The following SSBP2 variants were observed in gnomAD, a reference collection of about 807,000 sequenced individuals.
SSBP2 encodes the protein single stranded DNA binding protein 2.
SSBP2 carries 17 observed loss-of-function variants against 61.8 expected under a neutral mutation model. That is an observed-to-expected ratio of 0.28 (90% CI 0.19 to 0.41). The LOEUF (loss-of-function observed/expected upper bound fraction) is 0.41, where lower values mean the gene tolerates loss of function less well. SSBP2 is among the 10% of genes least tolerant of loss of function. SSBP2 has a pLI of 1.00. For missense variants in SSBP2, 310 were observed against 458.7 expected, an observed-to-expected ratio of 0.68 and a Z score of 2.96; for synonymous variants, 139 against 141.3, an observed-to-expected ratio of 0.98 and a Z score of 0.12.
chr5:81,555,316 A>G (rs1012404101), intron 4 of SSBP2, among the ~76,000 whole-genome samples: 1 of 152,098 alleles, frequency 6.6e-6, no homozygotes, highest in Non-Finnish European at 1.5e-5. Context: ...GAACATTTAC[A>G]AATGTTCCTA....
intron 14 of SSBP2, 94 bp downstream of exon 14, chr5:81,440,464 G>T: frequency 1.0e-6 from 1 of 983,576 alleles, no homozygotes; most frequent in Non-Finnish European, 1.6e-6. Context: ...ATGAGTAGCT[G>T]GCTATGGAAG....
chr5:81,590,054 C>T (rs1318591740), intron 4 of SSBP2, among the ~76,000 whole-genome samples: 1 of 152,110 alleles, frequency 6.6e-6, no homozygotes, highest in Non-Finnish European at 1.5e-5. Context: ...CACACCAGGA[C>T]CTATATTTTT....
At position 81,497,657 on chromosome 5, in the gene SSBP2, CTAAG is replaced by C. The variant is rs1018971314; in HGVS notation, c.373-8352_373-8349del. Among the ~76,000 whole-genome samples the C allele has an allele frequency of 3.2e-4, 49 of 152,130 alleles. 1 individual carries two copies. The highest frequency in any genetic ancestry group is 1.1e-3 in the African/African-American group (45 of 41,536). Reference sequence around the variant, plus strand: ...GGATAAATTATATCTTCCAGAGGTCCTAAGTAAGAGTAAGTAAAAAACAAAGAGC... The same window carrying C: ...GGATAAATTATATCTTCCAGAGGTCCTAAGAGTAAGTAAAAAACAAAGAGC... On this transcript the variant is annotated intron_variant, in intron 5 of 16. Coordinates refer to ENST00000320672, the MANE Select transcript of SSBP2 (RefSeq NM_012446.5).
intron 1 of SSBP2, among the ~76,000 whole-genome samples, chr5:81,704,245 T>A (rs1754204056): frequency 6.6e-6 from 1 of 152,204 alleles, no homozygotes; most frequent in Non-Finnish European, 1.5e-5. Flanking sequence ...TCACTATCTC[T>A]ACTTCACTAA....
intron 1 of SSBP2, among the ~76,000 whole-genome samples, chr5:81,661,379 C>T (rs956454200): frequency 2.6e-5 from 4 of 152,076 alleles, no homozygotes; most frequent in African/African-American, 9.7e-5. Context: ...AGTGGGATTG[C>T]GAGATCATAT....
chr5:81,584,544 T>G (rs1024758412), intron 4 of SSBP2, among the ~76,000 whole-genome samples: 1 of 152,168 alleles, frequency 6.6e-6, no homozygotes, highest in Non-Finnish European at 1.5e-5. Context: ...CTCTCCAAGT[T>G]GTTCAGTGGT....
At chr5:81,612,078 T>C (rs1479616989) in intron 4 of SSBP2, among the ~76,000 whole-genome samples, 1 of 152,172 alleles carries the variant, frequency 6.6e-6, no homozygotes, top group Admixed American at 6.5e-5. Context: ...GCATTGGTTG[T>C]GATGATGGTT....
At chr5:81,565,965 G>C (rs1773390164) in intron 4 of SSBP2, among the ~76,000 whole-genome samples, 1 of 152,078 alleles carries the variant, frequency 6.6e-6, no homozygotes, top group Admixed American at 6.6e-5. Flanking sequence ...TCAGAATAAT[G>C]CTTTCATTTC....
chr5:81,705,819 T>C (rs952979742), intron 1 of SSBP2, among the ~76,000 whole-genome samples: 2 of 152,164 alleles, frequency 1.3e-5, no homozygotes, highest in Middle Eastern at 3.2e-3. Context: ...ACCCTGAGTA[T>C]GTTATATTAA....
chr5:81,645,984 C>T (rs1487135745), intron 2 of SSBP2, among the ~76,000 whole-genome samples: 2 of 151,944 alleles, frequency 1.3e-5, no homozygotes, highest in East Asian at 3.9e-4. Flanking sequence ...ATAATGTGCC[C>T]CACTCTTCTG....
intron 13 of SSBP2, 29 bp downstream of exon 13, chr5:81,442,624 T>C: frequency 7.7e-7 from 1 of 1,305,700 alleles, no homozygotes; most frequent in Non-Finnish European, 1.1e-6. Flanking sequence ...TTCAAATACA[T>C]TCCAAAAATA....
chr5:81,607,003 A>C (rs892520779), intron 4 of SSBP2, among the ~76,000 whole-genome samples: 1 of 152,198 alleles, frequency 6.6e-6, no homozygotes, highest in African/African-American at 2.4e-5. Flanking sequence ...CATATGGAAA[A>C]TATCCCCATA....
chr5:81,509,210 A>G (rs1308312860), intron 5 of SSBP2, among the ~76,000 whole-genome samples: 1 of 152,178 alleles, frequency 6.6e-6, no homozygotes, highest in Non-Finnish European at 1.5e-5. Flanking sequence ...TTAAGGAGCC[A>G]CATCAGCTCT....
chr5:81,536,283 T>TA (rs1362739382), intron 4 of SSBP2, among the ~76,000 whole-genome samples: 11 of 152,152 alleles, frequency 7.2e-5, no homozygotes, highest in African/African-American at 2.4e-4. Context: ...ATGCAAAAGA[T>TA]ACAACCACTT....
At chr5:81,471,382 G>A (rs889671644) in intron 8 of SSBP2, among the ~76,000 whole-genome samples, 4 of 151,706 alleles carry the variant, frequency 2.6e-5, no homozygotes, top group African/African-American at 9.7e-5. Flanking sequence ...TAACAGAGAT[G>A]ATAAACATTT....
At chr5:81,523,022 G>C (rs1769611201) in intron 4 of SSBP2, among the ~76,000 whole-genome samples, 1 of 151,888 alleles carries the variant, frequency 6.6e-6, no homozygotes, top group Admixed American at 6.6e-5. Flanking sequence ...CAGATAAAGG[G>C]CCAAAGAGTT....
chr5:81,649,494 C>T (rs1000756430), intron 2 of SSBP2, among the ~76,000 whole-genome samples: 5 of 151,968 alleles, frequency 3.3e-5, no homozygotes, highest in Non-Finnish European at 7.4e-5. Flanking sequence ...AGCTGGAGGC[C>T]ATAATAATAA....
At chr5:81,545,293 C>T (rs1771645147) in intron 4 of SSBP2, among the ~76,000 whole-genome samples, 1 of 152,006 alleles carries the variant, frequency 6.6e-6, no homozygotes, top group South Asian at 2.1e-4. Context: ...TCTGGCAATC[C>T]TATACATAGT....
intron 2 of SSBP2, among the ~76,000 whole-genome samples, chr5:81,649,961 CT>C (rs1749588140): frequency 6.6e-6 from 1 of 151,984 alleles, no homozygotes; most frequent in Admixed American, 6.6e-5. Flanking sequence ...GGGTTTATAA[CT>C]CTCACAAATT....
Sources: allele counts gnomAD v4.1 joint callset (sites outside exome capture counted in the v4.1 genomes callset), GRCh38; gene constraint gnomAD v4.1.1; transcripts MANE v1.5; gene names NCBI Gene and HGNC (gene_info 2026-07-23, HGNC 2026-07-21).